Variants in LARGE1 observed in about 807,000 individuals in gnomAD.
LARGE1 encodes the protein LARGE xylosyl- and glucuronyltransferase 1, also known as xylosyl- and glucuronyltransferase LARGE1.
Under a neutral mutation model 87.6 loss-of-function variants are expected in LARGE1, and 43 were observed. The ratio of observed to expected loss-of-function variants is 0.49; its 90% CI spans 0.38 to 0.63. The LOEUF (loss-of-function observed/expected upper bound fraction) is 0.63, where lower values mean the gene tolerates loss of function less well. LARGE1 is among the 30% of genes least tolerant of loss of function. The probability of loss-of-function intolerance (pLI) is 0.00; values close to 1 mark genes in which losing one functional copy is unlikely to be tolerated. For synonymous variants in LARGE1, 434 were observed against 394.6 expected (o/e 1.10, Z -1.18); for missense variants, 802 against 1,000.2 (o/e 0.80, Z 2.67).
At chr22:33,454,405 G>A (rs564279324) in intron 6 of LARGE1, among the ~76,000 whole-genome samples, 1 of 152,068 alleles carries the variant, frequency 6.6e-6, no homozygotes, top group Non-Finnish European at 1.5e-5. Flanking sequence ...GGATCACGAG[G>A]TCAGGAGATT....
the LARGE1 span, among the ~76,000 whole-genome samples, chr22:33,071,533 A>G: frequency 7.9e-5 from 12 of 152,322 alleles, no homozygotes; most frequent in African/African-American, 2.2e-4. Flanking sequence ...TAATAGGCAC[A>G]TGCTCCTATT....
chr22:33,493,456 C>G (rs1056407120), intron 6 of LARGE1, among the ~76,000 whole-genome samples: 4 of 152,060 alleles, frequency 2.6e-5, no homozygotes, highest in African/African-American at 9.7e-5. Flanking sequence ...CCACCGTGCC[C>G]GGCCTGAGCA....
intron 2 of LARGE1, among the ~76,000 whole-genome samples, chr22:33,752,979 T>C (rs1480056779): frequency 6.6e-6 from 1 of 152,192 alleles, no homozygotes. Flanking sequence ...CCCAGTACTT[T>C]GGGAGGCCAA....
chr22:33,822,165 TG>T (rs2086845912), intron 1 of LARGE1, among the ~76,000 whole-genome samples: 1 of 152,208 alleles, frequency 6.6e-6, no homozygotes, highest in African/African-American at 2.4e-5. Context: ...AACAGCACTA[TG>T]TGTGCCCTTG....
At chr22:33,483,626 G>C (rs1602056674) in intron 6 of LARGE1, among the ~76,000 whole-genome samples, 2 of 151,354 alleles carry the variant, frequency 1.3e-5, no homozygotes, top group East Asian at 3.9e-4. Flanking sequence ...CGAAATAGGA[G>C]GGGTCGGGCT....
chr22:33,683,904 C>G (rs2081862412), intron 2 of LARGE1, among the ~76,000 whole-genome samples: 1 of 152,068 alleles, frequency 6.6e-6, no homozygotes, highest in Non-Finnish European at 1.5e-5. Flanking sequence ...TGGGGGTTTA[C>G]TGTAGGTAAA....
At chr22:33,089,263 CTCTTCT>C in the LARGE1 span, among the ~76,000 whole-genome samples, 3 of 150,806 alleles carry the variant, frequency 2.0e-5, no homozygotes, top group African/African-American at 7.4e-5. Flanking sequence ...TGTCTTCTTC[CTCTTCT>C]TCTTCTTCTT....
Position 33,365,009 on chromosome 22 carries a change from C to T in LARGE1, c.1131+16910G>A, listed in dbSNP as rs982309131. ...CCATGCCTGACCTTCAGAATTTTAT[C>T]CCTTTTCAAGGCCTGCCAAAGTTTT... On this transcript the variant is annotated intron_variant, in intron 9 of 14. Transcript: ENST00000397394. Among the ~76,000 whole-genome samples, 22 of 152,172 alleles carry T rather than the reference C, an allele frequency of 1.4e-4. No homozygotes were observed. The South Asian group carries it at 3.7e-3, about 26-fold the overall frequency.
chr22:33,598,378 T>C (rs1696427070), intron 5 of LARGE1, among the ~76,000 whole-genome samples: 1 of 152,204 alleles, frequency 6.6e-6, no homozygotes, highest in South Asian at 2.1e-4. Flanking sequence ...AAGTAAATGA[T>C]TCTTTATTAT....
intron 6 of LARGE1, among the ~76,000 whole-genome samples, chr22:33,551,360 T>C (rs1298132419): frequency 1.3e-5 from 2 of 152,170 alleles, no homozygotes; most frequent in Non-Finnish European, 2.9e-5. Flanking sequence ...ACCCTACAGG[T>C]AATTCCAGTA....
intron 10 of LARGE1, among the ~76,000 whole-genome samples, chr22:33,318,950 T>C (rs79127774): frequency 0.01 from 1,597 of 152,266 alleles, 27 homozygotes; most frequent in African/African-American, 0.036. Context: ...TAGCAGTCAA[T>C]AAGAAAATAT....
At chr22:33,510,225 A>G (rs2070990482) in intron 6 of LARGE1, among the ~76,000 whole-genome samples, 2 of 152,236 alleles carry the variant, frequency 1.3e-5, no homozygotes, top group South Asian at 4.1e-4. Flanking sequence ...TAATCCCTGC[A>G]GCCACCTTGT....
chr22:33,347,409 G>T (rs1939886446), intron 9 of LARGE1, among the ~76,000 whole-genome samples: 1 of 152,160 alleles, frequency 6.6e-6, no homozygotes, highest in South Asian at 2.1e-4. Context: ...TGGAAATCAT[G>T]ATGATGACAT....
At chr22:33,351,164 A>G (rs1654405232) in intron 9 of LARGE1, among the ~76,000 whole-genome samples, 1 of 152,272 alleles carries the variant, frequency 6.6e-6, no homozygotes, top group African/African-American at 2.4e-5. Flanking sequence ...TGTCTAGCTC[A>G]TAGCAAGTGT....
intron 2 of LARGE1, among the ~76,000 whole-genome samples, chr22:33,746,069 A>T (rs183621586): frequency 2.0e-5 from 3 of 152,302 alleles, no homozygotes; most frequent in Admixed American, 2.0e-4. Flanking sequence ...CCCCATCTGC[A>T]CAATAAGAAT....
At chr22:33,097,896 A>G in the LARGE1 span, among the ~76,000 whole-genome samples, 3 of 152,224 alleles carry the variant, frequency 2.0e-5, no homozygotes, top group African/African-American at 7.2e-5. Context: ...ATTATATGGT[A>G]GCCATTACTA....
At chr22:33,119,471 G>A in the LARGE1 span, among the ~76,000 whole-genome samples, 1 of 152,096 alleles carries the variant, frequency 6.6e-6, no homozygotes. Context: ...CCCAAGGTAT[G>A]TTTCTCAGTG....
At chr22:33,151,227 T>G in the LARGE1 span, among the ~76,000 whole-genome samples, 4 of 152,150 alleles carry the variant, frequency 2.6e-5, no homozygotes, top group Admixed American at 2.0e-4. Flanking sequence ...ATAGTATTGT[T>G]TTTTAAATTT....
intron 6 of LARGE1, among the ~76,000 whole-genome samples, chr22:33,486,582 T>C (rs773353126): frequency 9.2e-5 from 14 of 151,966 alleles, no homozygotes; most frequent in Middle Eastern, 3.4e-3. Context: ...AGGAAATCCA[T>C]TGGGGAAATT....
Sources: allele counts gnomAD v4.1 joint callset (sites outside exome capture counted in the v4.1 genomes callset), GRCh38; gene constraint gnomAD v4.1.1; transcripts MANE v1.5; gene names NCBI Gene and HGNC (gene_info 2026-07-23, HGNC 2026-07-21).